Variants in ATP6V1E1 observed in about 807,000 individuals in gnomAD.
The protein encoded by ATP6V1E1 is ATPase H+ transporting V1 subunit E1.
ATP6V1E1 carries 21 observed loss-of-function variants against 35.2 expected under a neutral mutation model. The ratio of observed to expected loss-of-function variants is 0.60; its 90% CI spans 0.42 to 0.86. ATP6V1E1 has a LOEUF of 0.86. Among genes scored for constraint, ATP6V1E1 ranks in the 40% least tolerant of loss-of-function variants. ATP6V1E1 has a pLI of 0.00. For synonymous variants in ATP6V1E1, 83 were observed against 87.8 expected, an observed-to-expected ratio of 0.95 and a Z score of 0.30; for missense variants, 183 against 272.6, an observed-to-expected ratio of 0.67 and a Z score of 2.32.
In ATP6V1E1 at chr22:17,600,104, A is replaced by C; in HGVS notation, c.367-9T>G. Reference sequence around the variant, plus strand: ...AGCAACTGGTACAAACCCTGGAAGAAATAGTAGATACAGTCAGTAGAAAAT... The same window carrying C: ...AGCAACTGGTACAAACCCTGGAAGACATAGTAGATACAGTCAGTAGAAAAT... On this transcript the variant is annotated splice_polypyrimidine_tract_variant and intron_variant, in intron 5 of 8. Transcript: ENST00000253413. 2 of 1,611,278 alleles carry C rather than the reference A, an allele frequency of 1.2e-6. No homozygotes were observed. Among genetic ancestry groups the C allele is most frequent in the Non-Finnish European group, 8.5e-7 (1 of 1,177,464 alleles).
intron 2 of ATP6V1E1, among the ~76,000 whole-genome samples, chr22:17,614,667 T>TAA (rs200743259): frequency 0.047 from 6,158 of 130,680 alleles, 450 homozygotes; most frequent in African/African-American, 0.16. Flanking sequence ...AGCGAACTCT[T>TAA]AAAAAAAAAA....
intron 1 of ATP6V1E1, among the ~76,000 whole-genome samples, chr22:17,628,396 G>A (rs551759627): frequency 5.9e-5 from 9 of 152,338 alleles, no homozygotes; most frequent in South Asian, 4.2e-4. Flanking sequence ...CAGGCAAGCG[G>A]GCAGTGCCCA....
chr22:17,619,540 A>G lies in ATP6V1E1; in HGVS notation c.34-14T>C. On this transcript the variant is annotated splice_polypyrimidine_tract_variant and intron_variant, in intron 1 of 8. Coordinates refer to ENST00000253413, the MANE Select transcript of ATP6V1E1 (RefSeq NM_001696.4). ...CATATGCTTTATCTATAAGGAAAAA[A>G]AGTTTTATTTTTTAGTTCAAAAATA... 6.4e-7 allele frequency: 1 copy of G among 1,561,506 alleles called. No homozygotes were observed. The highest frequency in any genetic ancestry group is 8.7e-7 in the Non-Finnish European group (1 of 1,156,010).
intron 4 of ATP6V1E1, among the ~76,000 whole-genome samples, chr22:17,605,296 CGAGGCAGGCA>C (rs1260019902): frequency 1.3e-5 from 2 of 150,558 alleles, no homozygotes; most frequent in Admixed American, 6.6e-5. Context: ...TTTGGCAGGC[CGAGGCAGGCA>C]GATCACCTGA....
chr22:17,609,618 A>C (rs1180406128), intron 4 of ATP6V1E1, among the ~76,000 whole-genome samples: 2 of 150,330 alleles, frequency 1.3e-5, no homozygotes, highest in Non-Finnish European at 3.0e-5. Context: ...ACAGGCGCCC[A>C]CCACCACGCC....
intron 2 of ATP6V1E1, among the ~76,000 whole-genome samples, chr22:17,615,382 G>A (rs5747276): frequency 2.0e-5 from 3 of 151,666 alleles, no homozygotes; most frequent in Non-Finnish European, 4.4e-5. Flanking sequence ...GAGTGGCTCA[G>A]GCCTATAATC....
intron 7 of ATP6V1E1, chr22:17,597,956 CG>C: frequency 2.1e-6 from 1 of 480,908 alleles, no homozygotes; most frequent in Non-Finnish European, 3.8e-6. Context: ...GGATTACAGG[CG>C]TGAGCCACCG....
chr22:17,604,505 G>T (rs1194936011), intron 4 of ATP6V1E1, among the ~76,000 whole-genome samples: 7 of 150,612 alleles, frequency 4.6e-5, no homozygotes, highest in African/African-American at 1.7e-4. Flanking sequence ...GAGTCAGTGG[G>T]CATTTATTTC....
intron 5 of ATP6V1E1, 112 bp downstream of exon 5, chr22:17,600,979 GA>G: frequency 6.6e-6 from 6 of 905,772 alleles, no homozygotes; most frequent in Non-Finnish European, 9.9e-6. Flanking sequence ...AGGGTGAAAG[GA>G]AAAAAACTAG....
chr22:17,605,517 C>T (rs897341766), intron 4 of ATP6V1E1, among the ~76,000 whole-genome samples: 31 of 151,784 alleles, frequency 2.0e-4, no homozygotes, highest in Non-Finnish European at 4.4e-5. Context: ...GCAACAAGAG[C>T]GAAACTCCGT....
chr22:17,620,849 G>C (rs931836872), intron 1 of ATP6V1E1, among the ~76,000 whole-genome samples: 1 of 152,078 alleles, frequency 6.6e-6, no homozygotes, highest in Non-Finnish European at 1.5e-5. Flanking sequence ...GGATCACGAG[G>C]TCAGGAGATC....
chr22:17,612,652 C>T (rs897707945), intron 4 of ATP6V1E1, 160 bp downstream of exon 4: 1 of 661,538 alleles, frequency 1.5e-6, no homozygotes, highest in African/African-American at 1.9e-5. Flanking sequence ...TCAATACAGG[C>T]CTTGGCTCTT....
chr22:17,598,768 T>C (rs1414641482), intron 6 of ATP6V1E1, among the ~76,000 whole-genome samples: 1 of 152,066 alleles, frequency 6.6e-6, no homozygotes, highest in African/African-American at 2.4e-5. Context: ...GTATAATAGG[T>C]CCTCAAAAAA....
At chr22:17,596,773 T>G (rs16980885) in intron 7 of ATP6V1E1, among the ~76,000 whole-genome samples, 2,059 of 152,160 alleles carry the variant, frequency 0.014, 76 homozygotes, top group African/African-American at 0.048. Context: ...ACAGAGCATT[T>G]TCACATGTAC....
chr22:17,594,267 T>A (rs2057720035), intron 8 of ATP6V1E1, among the ~76,000 whole-genome samples: 1 of 152,184 alleles, frequency 6.6e-6, no homozygotes, highest in South Asian at 2.1e-4. Flanking sequence ...GAGAAAGAAC[T>A]TGTCAGCACC....
At chr22:17,614,567 G>A (rs1051530846) in intron 2 of ATP6V1E1, among the ~76,000 whole-genome samples, 2 of 151,610 alleles carry the variant, frequency 1.3e-5, no homozygotes, top group African/African-American at 4.8e-5. Flanking sequence ...AGATACTCAA[G>A]AGGGAGAGGT....
intron 4 of ATP6V1E1, 43 bp from the exon 5 acceptor site, chr22:17,601,224 C>A: frequency 6.5e-7 from 1 of 1,547,648 alleles, no homozygotes; most frequent in Non-Finnish European, 8.9e-7. Flanking sequence ...CACATCTGGG[C>A]AGTCGGCTCA....
Position 17,628,649 on chromosome 22 carries a change from C to G in ATP6V1E1, c.-14G>C, listed in dbSNP as rs1372710994. On this transcript the variant is annotated 5_prime_UTR_variant, in exon 1 of 9. Coordinates refer to ENST00000253413, the MANE Select transcript of ATP6V1E1 (RefSeq NM_001696.4). ...GCTGAGAGCCATGGCGAGAGCAATG[C>G]TAGGCCGGTGAACAGTAGGCTCGAG... is the stretch of plus-strand genomic sequence containing the variant. 1.2e-6 allele frequency: 2 copies of G among 1,614,066 alleles called. No homozygotes were observed. Among genetic ancestry groups the G allele is most frequent in the East Asian group, 4.5e-5 (2 of 44,900 alleles).
At chr22:17,606,760 T>C (rs1247887601) in intron 4 of ATP6V1E1, among the ~76,000 whole-genome samples, 1 of 152,204 alleles carries the variant, frequency 6.6e-6, no homozygotes, top group African/African-American at 2.4e-5. Flanking sequence ...ATCAGTCCAA[T>C]GAAACTGCTC....
Sources: allele counts gnomAD v4.1 joint callset (sites outside exome capture counted in the v4.1 genomes callset), GRCh38; gene constraint gnomAD v4.1.1; transcripts MANE v1.5; gene names NCBI Gene and HGNC (gene_info 2026-07-23, HGNC 2026-07-21).